KPTN: variants seen among roughly 807,000 people sequenced by gnomAD.
KPTN encodes kaptin, actin binding protein, also known as KICSTOR complex protein kaptin.
KPTN carries 36 observed loss-of-function variants against 52.6 expected under a neutral mutation model. The observed-to-expected ratio is 0.68, with a 90% confidence interval of 0.52 to 0.90. The LOEUF (loss-of-function observed/expected upper bound fraction) is 0.90, where lower values mean the gene tolerates loss of function less well. Ranked by LOEUF, KPTN falls within the 40% of genes least tolerant of loss-of-function variation. The pLI is 0.00. For synonymous variants in KPTN, 271 were observed against 248.4 expected, an observed-to-expected ratio of 1.09 and a Z score of -0.85; for missense variants, 529 against 576.2, an observed-to-expected ratio of 0.92 and a Z score of 0.84.
chr19:47,480,485 C>T (rs1967839833), intron 6 of KPTN, 78 bp from the exon 7 acceptor site: 9 of 1,050,876 alleles, frequency 8.6e-6, no homozygotes, highest in Non-Finnish European at 1.2e-5. Context: ...CAGGGGCAGC[C>T]GCCCCTCCCT....
chr19:47,476,709 C>T lies in KPTN; in HGVS notation c.1005G>A (p.Leu335=). 1 of 1,611,298 alleles carries T rather than the reference C, an allele frequency of 6.2e-7. No individual in the cohort carries two copies. The highest frequency in any genetic ancestry group is 8.5e-7 in the Non-Finnish European group (1 of 1,178,758). Residue 335 remains leucine (L), a synonymous_variant, in exon 11 of 12, where the codon CTG becomes CTA. Transcript: ENST00000338134. ...CTGGGCCCCGGTACTTATAACACAGCAGTTCCTGCGGGGGTGAAGAATCAG... is the reference window on the plus strand; with the variant it reads ...CTGGGCCCCGGTACTTATAACACAGTAGTTCCTGCGGGGGTGAAGAATCAG... ...EVLVATYGQE[L]LCYKYRGPES...
chr19:47,477,043 A>G, intron 9 of KPTN, 105 bp from the exon 10 acceptor site: 1 of 1,187,532 alleles, frequency 8.4e-7, no homozygotes, highest in Non-Finnish European at 1.2e-6. Flanking sequence ...TCTCAGGCCT[A>G]GACACACTGG....
chr19:47,483,393 CGGGGTTCAGGGGAGGGCA>C lies in KPTN; in HGVS notation c.310-32_310-15del. Reference sequence around the variant, plus strand: ...GTCCCCTGAATCCTGGCGGAGGACACGGGGTTCAGGGGAGGGCAGGGGTGGCAGGAGGGATCCGGGGCG... The same window carrying C: ...GTCCCCTGAATCCTGGCGGAGGACACGGGGTGGCAGGAGGGATCCGGGGCG... On this transcript the variant is annotated splice_polypyrimidine_tract_variant and intron_variant, in intron 2 of 11. Coordinates refer to ENST00000338134, the MANE Select transcript of KPTN (RefSeq NM_007059.4). The C allele has an allele frequency of 6.2e-7, 1 of 1,612,658 alleles. No homozygotes were observed. The highest frequency in any genetic ancestry group is 1.3e-5 in the African/African-American group (1 of 74,982).
At chr19:47,485,168 C>T (rs1210119729), upstream of KPTN, among the ~76,000 whole-genome samples, 1 of 152,182 alleles carries the variant, frequency 6.6e-6, no homozygotes, top group Non-Finnish European at 1.5e-5. Flanking sequence ...CTGCAAGGGC[C>T]TACTGTTACC....
At chr19:47,484,289 G>A (rs1017109823), upstream of KPTN, 3 of 1,228,720 alleles carry the variant, frequency 2.4e-6, no homozygotes, top group Admixed American at 5.7e-5. Flanking sequence ...GGAAGCTGCC[G>A]GCGTTGCCCT....
At chr19:47,483,798 C>A (rs897570374) in intron 1 of KPTN, 137 bp downstream of exon 1, 6 of 1,251,552 alleles carry the variant, frequency 4.8e-6, no homozygotes, top group African/African-American at 1.5e-5. Flanking sequence ...CTATGCCTGC[C>A]CGCTGATCCC....
At chr19:47,482,036 G>C (rs1967894598) in intron 4 of KPTN, among the ~76,000 whole-genome samples, 1 of 152,200 alleles carries the variant, frequency 6.6e-6, no homozygotes, top group Non-Finnish European at 1.5e-5. Flanking sequence ...TAGCATCTCT[G>C]ATCTTGGAAT....
intron 4 of KPTN, 22 bp from the exon 5 acceptor site, chr19:47,481,055 AC>A (rs1967864474): frequency 6.4e-7 from 1 of 1,556,902 alleles, no homozygotes; most frequent in South Asian, 1.2e-5. Context: ...GAAATCTAGA[AC>A]CCAAGGTAGT....
chr19:47,483,066 C>A, intron 4 of KPTN, 95 bp downstream of exon 4: 1 of 1,230,450 alleles, frequency 8.1e-7, no homozygotes, highest in Non-Finnish European at 1.2e-6. Flanking sequence ...GAAGGGGAAA[C>A]AGACTACAGG....
At position 47,477,709 on chromosome 19, in the gene KPTN, T is replaced by C. The variant is rs1568454199; in HGVS notation, c.860A>G (p.Tyr287Cys). 6.2e-7 allele frequency: 1 copy of C among 1,612,344 alleles called. No homozygotes were observed. The highest frequency in any genetic ancestry group is 8.5e-7 in the Non-Finnish European group (1 of 1,178,494). ...CATGTGTCTCAGGCCCCCTCACCGATACACCACTGCTGGCTCCAACATGCT... is the reference window on the plus strand; with the variant it reads ...CATGTGTCTCAGGCCCCCTCACCGACACACCACTGCTGGCTCCAACATGCT... ...VASMLEPAVV[Y>C]RDLLNRGLED... The change falls in exon 9 of 12, where the codon TAT becomes TGT. Residue 287 changes from tyrosine (Y) to cysteine (C), a missense_variant. By Grantham distance (194) the Tyr-to-Cys change is radical. Transcript: ENST00000338134.
At chr19:47,483,909 C>T in intron 1 of KPTN, 26 bp downstream of exon 1, 2 of 1,610,518 alleles carry the variant, frequency 1.2e-6, no homozygotes, top group Middle Eastern at 1.7e-4. Context: ...CAGGCCCCCG[C>T]CCCCCAGCAC....
chr19:47,483,022 A>G, intron 4 of KPTN, 139 bp downstream of exon 4: 2 of 926,624 alleles, frequency 2.2e-6, no homozygotes, highest in South Asian at 2.9e-5. Flanking sequence ...TTTAGTTTTC[A>G]ATCCCTAATC....
chr19:47,475,380 T>G lies in KPTN; in HGVS notation c.*36A>C. On this transcript the variant is annotated 3_prime_UTR_variant, in exon 12 of 12. Coordinates refer to ENST00000338134, the MANE Select transcript of KPTN (RefSeq NM_007059.4). The stretch of plus-strand genomic sequence containing the variant: ...CGGCTGGAGGTGAGCACGCCATGAG[T>G]CGCCCCAGGTCTGGGAAGAGTGGGT... 6.2e-7 allele frequency: 1 copy of G among 1,603,256 alleles called. No individual in the cohort carries two copies. Among genetic ancestry groups the G allele is most frequent in the Non-Finnish European group, 8.5e-7 (1 of 1,173,388 alleles).
At chr19:47,480,727 G>C (rs772119832) in intron 6 of KPTN, 33 bp downstream of exon 6, 11 of 1,596,604 alleles carry the variant, frequency 6.9e-6, no homozygotes, top group African/African-American at 1.3e-5. Flanking sequence ...CAGTGCCCCG[G>C]TCCCCAGTGG....
intron 8 of KPTN, among the ~76,000 whole-genome samples, chr19:47,478,067 GAA>G (rs1027490222): frequency 1.6e-5 from 2 of 124,814 alleles, no homozygotes. Context: ...CTCAGAAAAA[GAA>G]AAAAAAAAAA....
At chr19:47,480,010 C>T in intron 7 of KPTN, 70 bp from the exon 8 acceptor site, 1 of 1,294,534 alleles carries the variant, frequency 7.7e-7, no homozygotes, top group Non-Finnish European at 1.1e-6. Flanking sequence ...AAACCATCGA[C>T]TTTCCGCCCC....
chr19:47,480,287 G>A lies in KPTN; in HGVS notation c.709+11C>T. 2 of 1,063,580 alleles carry A rather than the reference G, an allele frequency of 1.9e-6. No homozygotes were observed. Among genetic ancestry groups the A allele is most frequent in the South Asian group, 2.8e-5 (2 of 71,466 alleles). The allele number at this position is 1,063,580 out of a possible 1,614,324, so 65.9% of individuals were successfully genotyped here. A position where few individuals can be genotyped will look rare whatever the true frequency, so the allele number is the denominator to read the frequency against. ...ACCCCACCCCTTACCCCGCCTCACC[G>A]CGGCCCTCACCTCGACTCCGCTGGT... On this transcript the variant is annotated intron_variant, in intron 7 of 11. Coordinates refer to ENST00000338134, the MANE Select transcript of KPTN (RefSeq NM_007059.4).
intron 9 of KPTN, among the ~76,000 whole-genome samples, chr19:47,477,246 G>A (rs1398390251): frequency 1.3e-5 from 2 of 152,180 alleles, no homozygotes; most frequent in Non-Finnish European, 2.9e-5. Context: ...CGTGGAGCCC[G>A]AAGAGGGCTT....
rs777886645 is a variant in KPTN at position 47,483,225 on chromosome 19, G to A, written c.395-10C>T. On this transcript the variant is annotated splice_polypyrimidine_tract_variant and intron_variant, in intron 3 of 11. Transcript: ENST00000338134. ...AGGTTCAGGCAGCTCTCTGTAGGCA[G>A]GGCACAGGCAGGTTAGCATGGGGGA... is the stretch of plus-strand genomic sequence containing the variant. 6.2e-7 allele frequency: 1 copy of A among 1,614,080 alleles called. No individual in the cohort carries two copies. The highest frequency in any genetic ancestry group is 8.5e-7 in the Non-Finnish European group (1 of 1,180,012).
Sources: allele counts gnomAD v4.1 joint callset (sites outside exome capture counted in the v4.1 genomes callset), GRCh38; gene constraint gnomAD v4.1.1; transcripts MANE v1.5; gene names NCBI Gene and HGNC (gene_info 2026-07-23, HGNC 2026-07-21).